SCAMP1: variants seen among roughly 807,000 people sequenced by gnomAD.
The protein encoded by SCAMP1 is secretory carrier membrane protein 1, also known as secretory carrier-associated membrane protein 1.
SCAMP1 carries 15 observed loss-of-function variants against 41.8 expected under a neutral mutation model. The observed-to-expected ratio is 0.36, with a 90% CI of 0.24 to 0.55. The LOEUF (loss-of-function observed/expected upper bound fraction) is 0.55. SCAMP1 is among the 20% of genes least tolerant of loss of function. The pLI is 0.86. For missense variants in SCAMP1, 341 were observed against 412.6 expected (o/e 0.83, Z 1.50); for synonymous variants, 135 against 136.8 (o/e 0.99, Z 0.09).
In SCAMP1 at chr5:78,440,888, C is replaced by T. The variant is rs146065499; in HGVS notation, c.633-9045C>T. 8.8e-3 allele frequency among the ~76,000 whole-genome samples: 1,347 copies of T among 152,304 alleles called. 16 individuals carry two copies. Among genetic ancestry groups the T allele is most frequent in the African/African-American group, 0.031 (1,268 of 41,556 alleles). On this transcript the variant is annotated intron_variant, in intron 6 of 8. Coordinates refer to ENST00000621999, the MANE Select transcript of SCAMP1 (RefSeq NM_004866.6). ...CGAGCTTCCCAGCAGCTTTCTTTAC[C>T]TACTCAAGCCTCAGCAGTGGTGGAC...
intron 2 of SCAMP1, among the ~76,000 whole-genome samples, chr5:78,405,375 A>G (rs765336525): frequency 6.6e-6 from 1 of 152,034 alleles, no homozygotes; most frequent in Non-Finnish European, 1.5e-5. Flanking sequence ...CACATATTCC[A>G]TGCATTCTCC....
At chr5:78,361,836 C>G (rs1022147808) in intron 1 of SCAMP1, among the ~76,000 whole-genome samples, 3 of 152,198 alleles carry the variant, frequency 2.0e-5, no homozygotes, top group African/African-American at 7.2e-5. Context: ...GAGTTTACAT[C>G]TTTTTACTCC....
rs1303699772 is a variant in SCAMP1, at chr5:78,455,433, C to T, written c.735-3812C>T. ...AACATCTTTATTTCTGCCTTCATTT[C>T]GTTATGTATCCAGTAGTCATTCAGG... is the stretch of plus-strand genomic sequence containing the variant. On this transcript the variant is annotated intron_variant, in intron 7 of 8. Transcript: ENST00000621999. 7.1e-5 allele frequency among the ~76,000 whole-genome samples: 9 copies of T among 127,542 alleles called. 1 individual carries two copies. The highest frequency in any genetic ancestry group is 9.5e-5 in the African/African-American group (3 of 31,530). 83.7% of individuals were successfully genotyped at this position (127,542 alleles called of 152,430 possible).
intron 6 of SCAMP1, among the ~76,000 whole-genome samples, chr5:78,423,847 A>G (rs1295947516): frequency 6.5e-5 from 5 of 77,366 alleles, no homozygotes; most frequent in Non-Finnish European, 1.3e-4. Context: ...TGAGAGGAAT[A>G]CTTTTTTTTT....
chr5:78,398,898 G>A lies in SCAMP1; in HGVS notation c.135+9984G>A, dbSNP rs150917397. On this transcript the variant is annotated intron_variant, in intron 2 of 8. Transcript: ENST00000621999. ...CTGTGGGTTTGGACAAATGTGTAATGACCTATATCCATTATTATAACATCA... is the reference window on the plus strand; with the variant it reads ...CTGTGGGTTTGGACAAATGTGTAATAACCTATATCCATTATTATAACATCA... Among the ~76,000 whole-genome samples, 3 of 152,184 alleles carry A rather than the reference G, an allele frequency of 2.0e-5. No individual in the cohort carries two copies. In the East Asian group the frequency reaches 5.8e-4, roughly 29 times the overall value.
At chr5:78,425,100 C>G (rs1752433309) in intron 6 of SCAMP1, among the ~76,000 whole-genome samples, 2 of 151,866 alleles carry the variant, frequency 1.3e-5, no homozygotes, top group South Asian at 4.2e-4. Context: ...TTTTTTGGAC[C>G]CTCTTAGATT....
At chr5:78,457,716 G>T (rs1275852296) in intron 7 of SCAMP1, 1 of 153,336 alleles carries the variant, frequency 6.5e-6, no homozygotes, top group Admixed American at 6.5e-5. Flanking sequence ...GCTCCACCCA[G>T]TTCGAGCTTC....
At chr5:78,429,384 G>A (rs905487446) in intron 6 of SCAMP1, among the ~76,000 whole-genome samples, 3 of 138,844 alleles carry the variant, frequency 2.2e-5, no homozygotes, top group Non-Finnish European at 4.6e-5. Context: ...ATCATTAATG[G>A]TGTTGGATTT....
At chr5:78,369,050 C>G (rs1013882644) in intron 1 of SCAMP1, among the ~76,000 whole-genome samples, 2 of 151,534 alleles carry the variant, frequency 1.3e-5, no homozygotes, top group African/African-American at 2.4e-5. Context: ...AATAGGGAGA[C>G]CCAAGGAGAG....
At chr5:78,415,786 T>A (rs1302871126) in intron 3 of SCAMP1, among the ~76,000 whole-genome samples, 168 bp downstream of exon 3, 13 of 152,200 alleles carry the variant, frequency 8.5e-5, no homozygotes, top group Admixed American at 8.5e-4. Context: ...CTCATTCCTC[T>A]TTTTGTCAGC....
At chr5:78,451,881 C>T (rs947629297) in intron 7 of SCAMP1, among the ~76,000 whole-genome samples, 2 of 152,216 alleles carry the variant, frequency 1.3e-5, no homozygotes, top group Non-Finnish European at 2.9e-5. Context: ...TCTTGAAGTC[C>T]TGGCCTCGTG....
At chr5:78,413,835 A>G (rs778837040) in intron 2 of SCAMP1, among the ~76,000 whole-genome samples, 1 of 152,190 alleles carries the variant, frequency 6.6e-6, no homozygotes, top group African/African-American at 2.4e-5. Flanking sequence ...ATCCTGCTAT[A>G]TATTGGTGGT....
In SCAMP1 at chr5:78,433,578, A is replaced by C. The variant is rs143171211; in HGVS notation, c.632+11618A>C. 2.5e-4 allele frequency among the ~76,000 whole-genome samples: 38 copies of C among 152,180 alleles called. No individual in the cohort carries two copies. In the East Asian group the frequency reaches 3.9e-3, roughly 15 times the overall value. Reference sequence around the variant, plus strand: ...TGCCCTCAGTACCTCAGAGACTTCAAATTACTTTGGTGTTACCTTATGTTT... The same window carrying C: ...TGCCCTCAGTACCTCAGAGACTTCACATTACTTTGGTGTTACCTTATGTTT... On this transcript the variant is annotated intron_variant, in intron 6 of 8. Transcript: ENST00000621999.
chr5:78,406,529 G>A (rs1178314065), intron 2 of SCAMP1, among the ~76,000 whole-genome samples: 1 of 152,024 alleles, frequency 6.6e-6, no homozygotes, highest in Non-Finnish European at 1.5e-5. Context: ...AGAGACCTTG[G>A]GTAGTCGTTT....
At chr5:78,377,900 AC>A in intron 1 of SCAMP1, among the ~76,000 whole-genome samples, 1 of 152,328 alleles carries the variant, frequency 6.6e-6, no homozygotes, top group Middle Eastern at 3.4e-3. Flanking sequence ...ATACGAAGTG[AC>A]TTGTTCAAAG....
chr5:78,420,350 T>A (rs368235767), intron 5 of SCAMP1, among the ~76,000 whole-genome samples: 1 of 152,276 alleles, frequency 6.6e-6, no homozygotes, highest in Non-Finnish European at 1.5e-5. Context: ...TAAGTTAGAA[T>A]GTTCTTAAGG....
intron 2 of SCAMP1, among the ~76,000 whole-genome samples, chr5:78,398,837 G>A (rs911217336): frequency 5.3e-5 from 8 of 152,206 alleles, no homozygotes; most frequent in South Asian, 2.1e-4. Context: ...GAGCCACCGC[G>A]CATGGCCCCA....
rs1415063623 is a variant in SCAMP1, at chr5:78,441,566, C to G, written c.633-8367C>G. ...CGCTGGCCCATGCCTGTAATCCCAG[C>G]ACTTTGGGAGGCCGAGGCAGGCGGA... On this transcript the variant is annotated intron_variant, in intron 6 of 8. Transcript: ENST00000621999. Among the ~76,000 whole-genome samples, 3 of 152,220 alleles carry G rather than the reference C, an allele frequency of 2.0e-5. No individual in the cohort carries two copies. The East Asian group carries it at 5.8e-4, about 29-fold the overall frequency.
In SCAMP1 at chr5:78,478,409, CAA is replaced by C. The variant is rs1754054872; in HGVS notation, c.*2744_*2745del. ...GTGTATAAGTCTGTCATGTGCTAAACAAAATAATATGAAAGACCTAGTTAAAA... is the reference window on the plus strand; with the variant it reads ...GTGTATAAGTCTGTCATGTGCTAAACAATAATATGAAAGACCTAGTTAAAA... On this transcript the variant is annotated 3_prime_UTR_variant, in exon 9 of 9. Transcript: ENST00000621999. 1 of 152,422 alleles carries C rather than the reference CAA, an allele frequency of 6.6e-6. No individual in the cohort carries two copies. Among genetic ancestry groups the C allele is most frequent in the African/African-American group, 2.4e-5 (1 of 41,384 alleles). 9.4% of individuals were successfully genotyped at this position (152,422 alleles called of 1,614,324 possible).
Sources: gnomAD v4.1 joint callset for allele counts (sites outside exome capture counted in the v4.1 genomes callset) on GRCh38, gnomAD v4.1.1 for gene constraint, MANE v1.5 for transcripts, NCBI Gene and HGNC (gene_info 2026-07-23, HGNC 2026-07-21) for gene names.